TADA2A: variants seen among roughly 807,000 people sequenced by gnomAD.
TADA2A encodes transcriptional adaptor 2A.
In TADA2A, 38 loss-of-function variants were observed where a neutral mutation model predicts 67.4. That is an observed-to-expected ratio of 0.56 (90% confidence interval 0.44 to 0.74). The LOEUF (loss-of-function observed/expected upper bound fraction) is 0.74, where lower values mean the gene tolerates loss of function less well. TADA2A is among the 30% of genes least tolerant of loss of function. TADA2A has a pLI of 0.00. For synonymous variants in TADA2A, 192 were observed against 181.6 expected (o/e 1.06, Z -0.46); for missense variants, 454 against 547.0 (o/e 0.83, Z 1.70).
At position 37,437,836 on chromosome 17, in the gene TADA2A, G is replaced by T; in HGVS notation, c.284+7G>T. On this transcript the variant is annotated splice_region_variant and intron_variant, in intron 5 of 15. Transcript: ENST00000615182. ...ACTGTGGCTTTGGAAATTGGTAAGA[G>T]CTTGGTGTTAAGAGTTGTCCTGCCC... 1 of 1,613,860 alleles carries T rather than the reference G, an allele frequency of 6.2e-7. No homozygotes were observed. Among genetic ancestry groups the T allele is most frequent in the Non-Finnish European group, 8.5e-7 (1 of 1,179,720 alleles).
intron 9 of TADA2A, among the ~76,000 whole-genome samples, chr17:37,460,081 C>T (rs985566673): frequency 1.3e-5 from 2 of 149,890 alleles, no homozygotes; most frequent in African/African-American, 2.5e-5. Flanking sequence ...AGAAAAAAAA[C>T]CTTTTTTTTT....
chr17:37,419,610 C>G (rs958944693), intron 2 of TADA2A, among the ~76,000 whole-genome samples: 2 of 146,238 alleles, frequency 1.4e-5, no homozygotes, highest in African/African-American at 2.5e-5. Context: ...AAAACCCCCC[C>G]TCTACTAAAA....
At chr17:37,437,693 T>C in intron 4 of TADA2A, 45 bp from the exon 5 acceptor site, 1 of 1,579,200 alleles carries the variant, frequency 6.3e-7, no homozygotes. Context: ...GGCCCCTAGA[T>C]TCCATTTGTA....
At chr17:37,438,813 T>C (rs1029746910) in intron 5 of TADA2A, among the ~76,000 whole-genome samples, 1 of 152,216 alleles carries the variant, frequency 6.6e-6, no homozygotes, top group Non-Finnish European at 1.5e-5. Flanking sequence ...TAAAATAGTC[T>C]AAACCTCTCT....
chr17:37,415,465 A>G (rs1228934697), intron 2 of TADA2A, among the ~76,000 whole-genome samples: 1 of 152,082 alleles, frequency 6.6e-6, no homozygotes, highest in African/African-American at 2.4e-5. Flanking sequence ...GGATGTGTGT[A>G]TTTTTGTATT....
intron 5 of TADA2A, among the ~76,000 whole-genome samples, chr17:37,439,938 ATTTATTATTT>A (rs1276759759): frequency 4.7e-5 from 5 of 105,726 alleles, no homozygotes; most frequent in African/African-American, 8.4e-5. Flanking sequence ...TTATTTATTT[ATTTATTATTT>A]TTTTTTTTTT....
At position 37,458,598 on chromosome 17, in the gene TADA2A, A is replaced by G; in HGVS notation, c.668+11A>G. 6.2e-7 allele frequency: 1 copy of G among 1,611,730 alleles called. No homozygotes were observed. The highest frequency in any genetic ancestry group is 1.7e-5 in the Admixed American group (1 of 59,942). ...ACAAAGACGAAAAAAGTAAGTATAA[A>G]AAACCATCCTGGCCTCCTTTCAGCT... On this transcript the variant is annotated intron_variant, in intron 9 of 15. Coordinates refer to ENST00000615182, the MANE Select transcript of TADA2A (RefSeq NM_001166105.3).
intron 2 of TADA2A, among the ~76,000 whole-genome samples, chr17:37,412,135 C>T (rs1019693194): frequency 3.3e-5 from 5 of 150,552 alleles, no homozygotes; most frequent in East Asian, 2.0e-4. Flanking sequence ...GGCATGAACC[C>T]GGGAGGCGGA....
intron 11 of TADA2A, 191 bp downstream of exon 11, chr17:37,465,732 C>A: frequency 1.1e-6 from 1 of 882,526 alleles, no homozygotes; most frequent in Non-Finnish European, 1.7e-6. Flanking sequence ...GCCCTAATGA[C>A]TTCCCCCATT....
chr17:37,474,681 T>G (rs1461038295), intron 15 of TADA2A, 52 bp downstream of exon 15: 1 of 1,551,734 alleles, frequency 6.4e-7, no homozygotes, highest in Admixed American at 1.8e-5. Flanking sequence ...GATTATTCAT[T>G]GAGTTGTCAT....
intron 2 of TADA2A, among the ~76,000 whole-genome samples, chr17:37,415,573 C>T (rs2052016510): frequency 6.6e-6 from 1 of 152,004 alleles, no homozygotes; most frequent in Admixed American, 6.6e-5. Flanking sequence ...TTTGTATTCC[C>T]ACCAGTGATA....
intron 2 of TADA2A, among the ~76,000 whole-genome samples, chr17:37,419,026 C>T (rs1333965320): frequency 1.4e-5 from 2 of 146,200 alleles, no homozygotes; most frequent in Non-Finnish European, 3.0e-5. Flanking sequence ...CCACAGAGCC[C>T]AGCCTCTACT....
At chr17:37,422,481 G>GATGATGATGATGATGATGATGATT (rs1296355161) in intron 2 of TADA2A, among the ~76,000 whole-genome samples, 27 of 136,986 alleles carry the variant, frequency 2.0e-4, no homozygotes, top group African/African-American at 5.7e-4. Context: ...ATGCCCAGCT[G>GATGATGATGATGATGATGATGATT]ATTATTATTA....
intron 8 of TADA2A, among the ~76,000 whole-genome samples, chr17:37,455,591 C>T (rs12453296): frequency 0.24 from 36,210 of 151,862 alleles, 4,392 homozygotes; most frequent in Middle Eastern, 0.35. Context: ...CCATGTTAGC[C>T]AGGATGGTCT....
intron 5 of TADA2A, among the ~76,000 whole-genome samples, chr17:37,439,942 ATTAT>A (rs1182301425): frequency 0.021 from 1,245 of 58,444 alleles, 21 homozygotes; most frequent in African/African-American, 0.041. Context: ...TTATTTATTT[ATTAT>A]TTTTTTTTTT....
intron 2 of TADA2A, among the ~76,000 whole-genome samples, chr17:37,411,962 G>T (rs927125644): frequency 6.6e-6 from 1 of 151,454 alleles, no homozygotes; most frequent in Non-Finnish European, 1.5e-5. Context: ...TGTAATCCCA[G>T]CACTTTGGGA....
rs765699641 is a variant in TADA2A at position 37,443,364 on chromosome 17, C to T, written c.531+712C>T. Among the ~76,000 whole-genome samples, 5 of 152,060 alleles carry T rather than the reference C, an allele frequency of 3.3e-5. No homozygotes were observed. In the South Asian group the frequency reaches 6.2e-4, roughly 19 times the overall value. ...CACTTCCTGGGTTCAAGCGATTCTC[C>T]TGTCTCAGCCTCCCAAGTAGCTGAG... On this transcript the variant is annotated intron_variant, in intron 7 of 15. Coordinates refer to ENST00000615182, the MANE Select transcript of TADA2A (RefSeq NM_001166105.3).
intron 8 of TADA2A, 46 bp downstream of exon 8, chr17:37,444,814 A>G (rs767662968): frequency 8.5e-6 from 13 of 1,538,212 alleles, no homozygotes; most frequent in African/African-American, 1.4e-5. Context: ...CAACTGTGTG[A>G]TGACACTGTC....
intron 10 of TADA2A, among the ~76,000 whole-genome samples, chr17:37,464,892 A>T (rs946971003): frequency 6.8e-6 from 1 of 147,814 alleles, no homozygotes; most frequent in Non-Finnish European, 1.5e-5. Flanking sequence ...CATGCATGTA[A>T]TCCCAGCACT....
Sources: gnomAD v4.1 joint callset for allele counts (sites outside exome capture counted in the v4.1 genomes callset) on GRCh38, gnomAD v4.1.1 for gene constraint, MANE v1.5 for transcripts, NCBI Gene and HGNC (gene_info 2026-07-23, HGNC 2026-07-21) for gene names.